CFAP47: variants seen among roughly 807,000 people sequenced by gnomAD.
CFAP47 encodes the protein cilia- and flagella-associated protein 47.
A neutral mutation model predicts 148.1 loss-of-function variants in CFAP47; 29 were observed. The observed-to-expected ratio is 0.20, with a 90% CI of 0.15 to 0.27. The LOEUF is 0.27. Among genes scored for constraint, CFAP47 ranks in the 10% least tolerant of loss-of-function variants. CFAP47 has a pLI of 1.00. For missense variants in CFAP47, 1,872 were observed against 1,697.5 expected (o/e 1.10, Z -1.81); for synonymous variants, 664 against 577.3 (o/e 1.15, Z -2.15).
In CFAP47 at chrX:36,348,113, T is replaced by C. The variant is rs782349308; in HGVS notation, c.8444-16T>C. The C allele has an allele frequency of 2.6e-4, 243 of 938,112 alleles. No individual in the cohort carries two copies. Among genetic ancestry groups the C allele is most frequent in the Non-Finnish European group, 3.4e-4 (242 of 721,372 alleles). The allele number at this position is 938,112 out of a possible 1,213,427, so 77.3% of individuals were successfully genotyped here. A position where few individuals can be genotyped will look rare whatever the true frequency, so the allele number is the denominator to read the frequency against. ...AATATTTACCATATTAAAAATTATT[T>C]TTGTGTGTTTTACAGGAATTGCACT... On this transcript the variant is annotated splice_polypyrimidine_tract_variant and intron_variant, in intron 57 of 63. Transcript: ENST00000378653.
chrX:36,120,474 T>A (rs1938723022), intron 33 of CFAP47, among the ~76,000 whole-genome samples: 1 of 111,511 alleles, frequency 9.0e-6, no homozygotes, highest in Admixed American at 9.6e-5. Context: ...TTATTTTAAG[T>A]TTTCCTGTTT....
intron 39 of CFAP47, among the ~76,000 whole-genome samples, chrX:36,176,722 G>A (rs1182160292): frequency 1.8e-5 from 2 of 111,422 alleles, no homozygotes; most frequent in African/African-American, 3.3e-5. Context: ...TGGCCAACAT[G>A]GTGAAACTCA....
At chrX:36,035,963 T>C (rs1937333248) in intron 24 of CFAP47, 109 bp downstream of exon 24, 1 of 259,816 alleles carries the variant, frequency 3.8e-6, no homozygotes, top group Admixed American at 6.5e-5. Flanking sequence ...TTTCTTTTAA[T>C]TTGAATAATT....
intron 32 of CFAP47, among the ~76,000 whole-genome samples, chrX:36,103,513 A>C (rs906356207): frequency 3.9e-5 from 4 of 101,495 alleles, no homozygotes; most frequent in Non-Finnish European, 6.0e-5. Context: ...AAAAAAAAAA[A>C]AAAAAAAAAA....
chrX:36,196,353 A>C (rs1555987237), intron 42 of CFAP47, among the ~76,000 whole-genome samples: 1 of 111,479 alleles, frequency 9.0e-6, no homozygotes, highest in African/African-American at 3.3e-5. Context: ...AAATAATATA[A>C]TATTGCTCAG....
intron 57 of CFAP47, among the ~76,000 whole-genome samples, chrX:36,333,034 T>C (rs1413780806): frequency 1.8e-5 from 2 of 111,947 alleles, no homozygotes; most frequent in African/African-American, 6.5e-5. Flanking sequence ...CCATCTCCAA[T>C]GTCGCATCTC....
intron 46 of CFAP47, among the ~76,000 whole-genome samples, chrX:36,235,420 G>T (rs1328508141): frequency 4.4e-5 from 5 of 112,555 alleles, no homozygotes; most frequent in African/African-American, 1.6e-4. Flanking sequence ...GACCCTCCGA[G>T]CCAGGTGGGG....
chrX:35,946,871 G>C (rs886501308), intron 3 of CFAP47, among the ~76,000 whole-genome samples: 9 of 111,502 alleles, frequency 8.1e-5, no homozygotes, highest in African/African-American at 2.9e-4. Flanking sequence ...CAGTGTGTGG[G>C]GTGCTGTGAC....
chrX:36,345,633 A>G (rs1941691048), intron 57 of CFAP47, among the ~76,000 whole-genome samples: 1 of 111,598 alleles, frequency 9.0e-6, no homozygotes, highest in Admixed American at 9.6e-5. Flanking sequence ...TAATCTTTCA[A>G]GGGGACTTTG....
intron 52 of CFAP47, among the ~76,000 whole-genome samples, 154 bp downstream of exon 52, chrX:36,299,306 A>T (rs1046964926): frequency 9.0e-6 from 1 of 110,714 alleles, no homozygotes; most frequent in Non-Finnish European, 1.9e-5. Flanking sequence ...ACTGACTTAC[A>T]GTTAGCTTTT....
intron 51 of CFAP47, among the ~76,000 whole-genome samples, chrX:36,295,458 A>G (rs1941233643): frequency 8.9e-6 from 1 of 112,251 alleles, no homozygotes; most frequent in Non-Finnish European, 1.9e-5. Flanking sequence ...AGCCAAAACA[A>G]TTAATCTTGT....
In CFAP47 at chrX:36,306,690, A is replaced by T. The variant is rs140201449; in HGVS notation, c.8083-82A>T. ...TTAATCACACAAACATCGACCCTGC[A>T]TATAGCTAGTACACAAAGATACCAA... On this transcript the variant is annotated intron_variant, in intron 54 of 63. Transcript: ENST00000378653. 2.1e-3 allele frequency: 1,024 copies of T among 495,052 alleles called. 2 individuals carry two copies. In the African/African-American group the frequency reaches 0.022, roughly 11 times the overall value. The allele number at this position is 495,052 out of a possible 1,213,427, so 40.8% of individuals were successfully genotyped here. A position where few individuals can be genotyped will look rare whatever the true frequency, so the allele number is the denominator to read the frequency against.
intron 56 of CFAP47, among the ~76,000 whole-genome samples, chrX:36,318,738 A>G (rs1438735642): frequency 8.9e-6 from 1 of 112,303 alleles, no homozygotes; most frequent in Non-Finnish European, 1.9e-5. Context: ...ATTCATCAAT[A>G]CAATCTATTT....
At chrX:35,993,952 G>C (rs183044299) in intron 18 of CFAP47, among the ~76,000 whole-genome samples, 134 of 111,472 alleles carry the variant, frequency 1.2e-3, no homozygotes, top group African/African-American at 4.0e-3. Flanking sequence ...TATGTTCTCG[G>C]AATTATGTAA....
At chrX:35,941,153 C>G (rs187720254) in intron 2 of CFAP47, 130 bp from the exon 3 acceptor site, 1 of 382,234 alleles carries the variant, frequency 2.6e-6, no homozygotes, top group Non-Finnish European at 4.5e-6. Flanking sequence ...AACATGCCAC[C>G]AGTAGACCTG....
chrX:36,332,767 G>T (rs1293223761), intron 57 of CFAP47, among the ~76,000 whole-genome samples: 1 of 111,993 alleles, frequency 8.9e-6, no homozygotes, highest in African/African-American at 3.2e-5. Flanking sequence ...AAGAAAGCTA[G>T]TAGGGGTAAA....
At chrX:36,248,855 T>C in intron 48 of CFAP47, among the ~76,000 whole-genome samples, 1 of 111,054 alleles carries the variant, frequency 9.0e-6, no homozygotes, top group East Asian at 2.8e-4. Context: ...ACCACGGAAT[T>C]AAATTAGAAG....
intron 25 of CFAP47, among the ~76,000 whole-genome samples, chrX:36,045,117 G>A (rs996865372): frequency 1.8e-5 from 2 of 111,757 alleles, no homozygotes; most frequent in African/African-American, 6.5e-5. Flanking sequence ...TTGAATGACA[G>A]TAGTGAAAGT....
intron 57 of CFAP47, among the ~76,000 whole-genome samples, chrX:36,336,240 CACAG>C (rs1423145625): frequency 2.0e-4 from 15 of 73,350 alleles, no homozygotes; most frequent in Admixed American, 4.9e-4. Context: ...GTCACAGACA[CACAG>C]ACACACACAC....
Sources: allele counts gnomAD v4.1 joint callset (sites outside exome capture counted in the v4.1 genomes callset), GRCh38; gene constraint gnomAD v4.1.1; transcripts MANE v1.5; gene names NCBI Gene and HGNC (gene_info 2026-07-23, HGNC 2026-07-21).